The following WDR7 variants were observed in gnomAD, a reference collection of about 807,000 sequenced individuals.
WDR7 encodes WD repeat domain 7.
Under a neutral mutation model 169.4 loss-of-function variants are expected in WDR7, and 46 were observed. The observed-to-expected ratio is 0.27, with a 90% confidence interval of 0.21 to 0.35. The LOEUF is 0.35. Among genes scored for constraint, WDR7 ranks in the 10% least tolerant of loss-of-function variants. The probability of loss-of-function intolerance (pLI) is 1.00; values close to 1 mark genes in which losing one functional copy is unlikely to be tolerated. For synonymous variants in WDR7, 612 were observed against 666.8 expected (o/e 0.92, Z 1.27); for missense variants, 1,534 against 1,859.3 (o/e 0.83, Z 3.22).
At chr18:56,713,699 TAATC>T (rs1338397081) in intron 12 of WDR7, among the ~76,000 whole-genome samples, 1 of 152,184 alleles carries the variant, frequency 6.6e-6, no homozygotes, top group East Asian at 1.9e-4. Flanking sequence ...AGAATGGAAT[TAATC>T]AAATTATAGA....
At chr18:56,961,156 G>C (rs1362735881) in intron 25 of WDR7, among the ~76,000 whole-genome samples, 1 of 152,062 alleles carries the variant, frequency 6.6e-6, no homozygotes. Flanking sequence ...GAATGTCATA[G>C]TGTCTGCTAA....
chr18:56,950,110 T>G (rs2047160146), intron 25 of WDR7, among the ~76,000 whole-genome samples: 1 of 152,224 alleles, frequency 6.6e-6, no homozygotes, highest in Admixed American at 6.5e-5. Flanking sequence ...CTAGTTCATT[T>G]TGCAAGTCAA....
chr18:56,783,961 G>C (rs1175433483), intron 19 of WDR7, among the ~76,000 whole-genome samples: 1 of 152,188 alleles, frequency 6.6e-6, no homozygotes, highest in Non-Finnish European at 1.5e-5. Context: ...TGTGTTAGCA[G>C]GCCCAGAGAG....
chr18:56,816,065 C>A lies in WDR7; in HGVS notation c.3225C>A (p.Thr1075=), dbSNP rs375812362. ...GVTSEAAQTI[T]TAPDASGPEA... The stretch of plus-strand genomic sequence containing the variant: ...CATCAGAAGCCGCGCAGACTATCAC[C>A]ACGGCTCCTGATGCCTCAGGGCCTG... Residue 1075 remains threonine, a synonymous_variant, in exon 20 of 28, where the codon ACC becomes ACA. Transcript: ENST00000254442. The A allele has an allele frequency of 1.9e-6, 3 of 1,613,336 alleles. No homozygotes were observed. The highest frequency in any genetic ancestry group is 2.5e-6 in the Non-Finnish European group (3 of 1,179,828).
At chr18:56,939,119 ATTTCT>A in intron 24 of WDR7, among the ~76,000 whole-genome samples, 187 bp from the exon 25 acceptor site, 1 of 152,158 alleles carries the variant, frequency 6.6e-6, no homozygotes, top group Non-Finnish European at 1.5e-5. Flanking sequence ...TGTCCTTTAA[ATTTCT>A]TTTCACAGAT....
chr18:56,921,488 T>C (rs1440801328), intron 21 of WDR7, among the ~76,000 whole-genome samples: 1 of 152,170 alleles, frequency 6.6e-6, no homozygotes, highest in Non-Finnish European at 1.5e-5. Flanking sequence ...GGAATTTTAC[T>C]TATGAGATCG....
chr18:56,741,363 A>C (rs1017003368), intron 14 of WDR7, among the ~76,000 whole-genome samples: 1 of 152,124 alleles, frequency 6.6e-6, no homozygotes, highest in African/African-American at 2.4e-5. Flanking sequence ...TGTCATTTTT[A>C]TCTCCTTCTG....
At chr18:56,694,222 C>A (rs1397283256) in intron 9 of WDR7, among the ~76,000 whole-genome samples, 1 of 152,126 alleles carries the variant, frequency 6.6e-6, no homozygotes, top group African/African-American at 2.4e-5. Context: ...ATAGTGAGTT[C>A]TCTCATCTTG....
intron 13 of WDR7, among the ~76,000 whole-genome samples, chr18:56,723,168 G>A (rs772313148): frequency 6.7e-6 from 1 of 149,900 alleles, no homozygotes; most frequent in African/African-American, 2.4e-5. Context: ...TATTGTTTTC[G>A]TGATTTTCAC....
intron 23 of WDR7, among the ~76,000 whole-genome samples, chr18:56,937,535 C>T (rs1216334751): frequency 6.6e-6 from 1 of 152,112 alleles, no homozygotes; most frequent in Non-Finnish European, 1.5e-5. Context: ...TGGCTCTTCC[C>T]GGGCTAGTCC....
chr18:56,733,060 A>G (rs1000295336), intron 14 of WDR7, among the ~76,000 whole-genome samples: 3 of 152,180 alleles, frequency 2.0e-5, no homozygotes, highest in Admixed American at 1.3e-4. Flanking sequence ...GATTTTTACA[A>G]TCTTGTTTGT....
chr18:56,684,456 C>T (rs903542520), intron 5 of WDR7, among the ~76,000 whole-genome samples: 1 of 152,200 alleles, frequency 6.6e-6, no homozygotes, highest in African/African-American at 2.4e-5. Context: ...AGTGATTGAG[C>T]CTGGCTGTGT....
At chr18:57,017,086 C>T (rs180969121) in intron 26 of WDR7, among the ~76,000 whole-genome samples, 5 of 152,320 alleles carry the variant, frequency 3.3e-5, no homozygotes, top group African/African-American at 7.2e-5. Flanking sequence ...CTGTGCGATC[C>T]GCACAGCTGC....
chr18:56,879,308 G>A lies in WDR7; in HGVS notation c.3305-636G>A, dbSNP rs112222290. 9.7e-4 allele frequency among the ~76,000 whole-genome samples: 148 copies of A among 152,206 alleles called. 1 individual carries two copies. The highest frequency in any genetic ancestry group is 3.2e-3 in the African/African-American group (133 of 41,516). ...CACTGTAATGGTCTTTTTTATTGCA[G>A]CCATTCTCATGGATGTGAAGTGGTA... On this transcript the variant is annotated intron_variant, in intron 20 of 27. Coordinates refer to ENST00000254442, the MANE Select transcript of WDR7 (RefSeq NM_015285.3).
chr18:56,793,261 A>G (rs1354755111), intron 19 of WDR7, among the ~76,000 whole-genome samples: 1 of 152,234 alleles, frequency 6.6e-6, no homozygotes, highest in African/African-American at 2.4e-5. Context: ...ATCTGGTTTT[A>G]GAACTTATTT....
chr18:56,794,014 A>G (rs1040874555), intron 19 of WDR7, among the ~76,000 whole-genome samples: 2 of 152,184 alleles, frequency 1.3e-5, no homozygotes, highest in African/African-American at 4.8e-5. Context: ...GATTTGTTAA[A>G]TGATCTGTTT....
chr18:56,758,770 T>C (rs192390112), intron 15 of WDR7, 95 bp from the exon 16 acceptor site: 2 of 873,278 alleles, frequency 2.3e-6, no homozygotes, highest in Admixed American at 3.1e-5. Context: ...GTTTCTTTTG[T>C]GATTCGTTTA....
intron 26 of WDR7, among the ~76,000 whole-genome samples, chr18:57,015,488 C>T (rs1326426189): frequency 1.3e-5 from 2 of 152,192 alleles, no homozygotes; most frequent in East Asian, 3.9e-4. Context: ...CTTTTAAACT[C>T]TTTTGAAATG....
intron 26 of WDR7, among the ~76,000 whole-genome samples, chr18:57,005,653 T>G (rs1243330559): frequency 1.3e-5 from 2 of 152,156 alleles, no homozygotes; most frequent in East Asian, 3.9e-4. Context: ...ATAGGTAATT[T>G]TTAGTTTCTT....
Sources: allele counts gnomAD v4.1 joint callset (sites outside exome capture counted in the v4.1 genomes callset), GRCh38; gene constraint gnomAD v4.1.1; transcripts MANE v1.5; gene names NCBI Gene and HGNC (gene_info 2026-07-23, HGNC 2026-07-21).